Variants in POLA2 observed in about 807,000 individuals in gnomAD.
POLA2 encodes DNA polymerase alpha subunit B.
A neutral mutation model predicts 82.8 loss-of-function variants in POLA2; 47 were observed. The ratio of observed to expected loss-of-function variants is 0.57; its 90% CI spans 0.45 to 0.72. The LOEUF is 0.72. POLA2 is among the 30% of genes least tolerant of loss of function. The probability of loss-of-function intolerance (pLI) is 0.00; values close to 1 mark genes in which losing one functional copy is unlikely to be tolerated. For synonymous variants in POLA2, 287 were observed against 286.8 expected (o/e 1.00, Z -0.01); for missense variants, 634 against 728.1 (o/e 0.87, Z 1.49).
chr11:65,262,455 G>A, intron 1 of POLA2, 84 bp downstream of exon 1: 2 of 1,140,480 alleles, frequency 1.8e-6, no homozygotes, highest in South Asian at 1.4e-5. Flanking sequence ...AAAGTGGAGC[G>A]CTTCCAATTT....
chr11:65,297,168 C>A lies in POLA2; in HGVS notation c.1696C>A (p.Gln566Lys), dbSNP rs1262577435. The change falls in exon 18 of 18, where the codon CAG becomes AAG. Residue 566 changes from glutamine to lysine, a missense_variant. Transcript: ENST00000265465. ...CVNPGRLTKG[Q>K]VGGTFARLYL... ...GAACCCTGGGCGCCTTACCAAAGGGCAGGTGGGAGGCACCTTCGCCCGACT... is the reference window on the plus strand; with the variant it reads ...GAACCCTGGGCGCCTTACCAAAGGGAAGGTGGGAGGCACCTTCGCCCGACT... 6.2e-7 allele frequency: 1 copy of A among 1,613,988 alleles called. No homozygotes were observed. Among genetic ancestry groups the A allele is most frequent in the Non-Finnish European group, 8.5e-7 (1 of 1,180,032 alleles).
Position 65,262,179 on chromosome 11 carries a change from C to T in POLA2, c.-114C>T, listed in dbSNP as rs1949404688. 6 of 767,558 alleles carry T rather than the reference C, an allele frequency of 7.8e-6. No individual in the cohort carries two copies. The highest frequency in any genetic ancestry group is 1.3e-5 in the Non-Finnish European group (6 of 450,882). The allele number at this position is 767,558 out of a possible 1,614,324, so 47.5% of individuals were successfully genotyped here. On this transcript the variant is annotated 5_prime_UTR_variant, in exon 1 of 18. Transcript: ENST00000265465. ...GCCAGTCACCTCCTGTCACGGTCCG[C>T]GGAGGGGGGAAGGATAAGAGGGCGA...
intron 3 of POLA2, among the ~76,000 whole-genome samples, chr11:65,267,831 G>C (rs1370711652): frequency 6.9e-6 from 1 of 145,406 alleles, no homozygotes; most frequent in Non-Finnish European, 1.5e-5. Context: ...CGCTCTTTTT[G>C]CCCAGGCTGA....
chr11:65,295,599 G>A lies in POLA2; in HGVS notation c.1520G>A (p.Ser507Asn), dbSNP rs2078333590. 1 of 1,612,790 alleles carries A rather than the reference G, an allele frequency of 6.2e-7. No homozygotes were observed. Among genetic ancestry groups the A allele is most frequent in the Non-Finnish European group, 8.5e-7 (1 of 1,179,212 alleles). Residue 507 changes from serine (S) to asparagine (N), a missense_variant and splice_region_variant, in exon 16 of 18, where the codon AGC (serine) becomes AAC (asparagine). Ser to Asn is a conservative substitution (Grantham distance 46, BLOSUM62 1). Transcript: ENST00000265465. Reference protein sequence around the residue: ...RILKHILTQRSYYPLYPPQED... With the variant: ...RILKHILTQRNYYPLYPPQED... ...CTCAAGCACATCTTGACCCAGAGGA[G>A]GTGAGCTTGCCGCTGGGACCCCTGA...
At chr11:65,290,847 T>C (rs1949747458) in intron 13 of POLA2, among the ~76,000 whole-genome samples, 1 of 152,240 alleles carries the variant, frequency 6.6e-6, no homozygotes, top group African/African-American at 2.4e-5. Context: ...TAAGTGATTG[T>C]ATTGGGTAAG....
chr11:65,273,096 G>C (rs1358155820), intron 4 of POLA2, among the ~76,000 whole-genome samples: 1 of 151,708 alleles, frequency 6.6e-6, no homozygotes, highest in Non-Finnish European at 1.5e-5. Flanking sequence ...AAGGTGGATG[G>C]ATCACCTGAG....
chr11:65,281,619 G>GACCT, intron 8 of POLA2, 51 bp from the exon 9 acceptor site: 1 of 1,251,396 alleles, frequency 8.0e-7, no homozygotes, highest in East Asian at 2.3e-5. Flanking sequence ...ATGTATTCCA[G>GACCT]ACCTCATTGA....
intron 2 of POLA2, 53 bp from the exon 3 acceptor site, chr11:65,267,424 C>A: frequency 1.9e-6 from 2 of 1,055,060 alleles, no homozygotes; most frequent in Admixed American, 4.4e-5. Context: ...TTGAAAACAC[C>A]TCTGCTATTA....
intron 13 of POLA2, among the ~76,000 whole-genome samples, chr11:65,292,558 C>G (rs1327132571): frequency 6.6e-6 from 1 of 152,230 alleles, no homozygotes; most frequent in Non-Finnish European, 1.5e-5. Context: ...ATGTGGAGCA[C>G]AGATTGTCCC....
chr11:65,268,678 A>C lies in POLA2; in HGVS notation c.303A>C (p.Glu101Asp), dbSNP rs1324866118. ...RDIVSIQELI[E>D]VEEEEEILLN... ...TCTTAACCAGTGTTCTTAGAATTGA[A>C]GTGGAAGAAGAAGAGGAAATCCTCT... Residue 101 changes from glutamate to aspartate, a missense_variant, in exon 4 of 18, where the codon GAA becomes GAC. Physicochemically the swap from Glu to Asp is conservative, Grantham distance 45 (BLOSUM62 2). Transcript: ENST00000265465. 6.3e-7 allele frequency: 1 copy of C among 1,596,932 alleles called. No homozygotes were observed. The highest frequency in any genetic ancestry group is 1.7e-5 in the Admixed American group (1 of 57,730).
chr11:65,294,746 C>A, intron 15 of POLA2, 94 bp downstream of exon 15: 1 of 836,520 alleles, frequency 1.2e-6, no homozygotes, highest in South Asian at 1.6e-5. Context: ...GCTTAACGGT[C>A]TTGACCAGAG....
intron 2 of POLA2, 122 bp from the exon 3 acceptor site, chr11:65,267,355 C>T: frequency 1.7e-6 from 1 of 597,788 alleles, no homozygotes; most frequent in Admixed American, 3.3e-5. Context: ...TATCTTAATT[C>T]TTTGAGGAAT....
chr11:65,278,685 T>G, intron 5 of POLA2, 45 bp from the exon 6 acceptor site: 2 of 1,471,182 alleles, frequency 1.4e-6, no homozygotes, highest in South Asian at 1.2e-5. Flanking sequence ...TTCTCTCCCT[T>G]TAGATATGAA....
At chr11:65,284,716 G>A (rs981038324) in intron 10 of POLA2, among the ~76,000 whole-genome samples, 4 of 151,920 alleles carry the variant, frequency 2.6e-5, no homozygotes, top group Admixed American at 6.6e-5. Flanking sequence ...TAGTAGAGAT[G>A]GGGTTTCTCC....
Position 65,298,243 on chromosome 11 carries a change from T to A in POLA2, c.*974T>A, listed in dbSNP as rs1294237221. 1 of 152,318 alleles carries A rather than the reference T, an allele frequency of 6.6e-6. No individual in the cohort carries two copies. Among genetic ancestry groups the A allele is most frequent in the Non-Finnish European group, 1.5e-5 (1 of 68,128 alleles). 9.4% of individuals were successfully genotyped at this position (152,318 alleles called of 1,614,324 possible). On this transcript the variant is annotated 3_prime_UTR_variant, in exon 18 of 18. Coordinates refer to ENST00000265465, the MANE Select transcript of POLA2 (RefSeq NM_002689.4). The stretch of plus-strand genomic sequence containing the variant: ...CTGTGGTCCCAGCCTGACCTCTCCA[T>A]CTGGAGGGGGCCGCCTCGCTGGGCT...
At chr11:65,262,441 A>G in intron 1 of POLA2, 70 bp downstream of exon 1, 1 of 1,324,986 alleles carries the variant, frequency 7.5e-7, no homozygotes, top group Non-Finnish European at 1.0e-6. Flanking sequence ...GGCGCCTAGA[A>G]CCGAAAGTGG....
chr11:65,297,872 G>A lies in POLA2; in HGVS notation c.*603G>A, dbSNP rs1378694140. The stretch of plus-strand genomic sequence containing the variant: ...TCACCATGTTAGCCAGGATGGTCTC[G>A]ATCTCCTGACCTTGTGATCTGTCCG... On this transcript the variant is annotated 3_prime_UTR_variant, in exon 18 of 18. Transcript: ENST00000265465. The A allele has an allele frequency of 2.0e-5, 3 of 152,294 alleles. No homozygotes were observed. The highest frequency in any genetic ancestry group is 7.2e-5 in the African/African-American group (3 of 41,438). The allele number at this position is 152,294 out of a possible 1,614,324, so 9.4% of individuals were successfully genotyped here.
At chr11:65,275,871 G>C (rs1337627999) in intron 4 of POLA2, 21 bp from the exon 5 acceptor site, 1 of 1,438,914 alleles carries the variant, frequency 6.9e-7, no homozygotes, top group Non-Finnish European at 9.8e-7. Context: ...CTGAGATTTT[G>C]TTTTCCTTTT....
At chr11:65,289,318 A>T (rs1349897507) in intron 12 of POLA2, among the ~76,000 whole-genome samples, 1 of 152,222 alleles carries the variant, frequency 6.6e-6, no homozygotes, top group Non-Finnish European at 1.5e-5. Context: ...ATAAGTCCTA[A>T]TGTTCCTTTG....
Sources: allele counts gnomAD v4.1 joint callset (sites outside exome capture counted in the v4.1 genomes callset), GRCh38; gene constraint gnomAD v4.1.1; transcripts MANE v1.5; gene names NCBI Gene and HGNC (gene_info 2026-07-23, HGNC 2026-07-21).